ANKRD1: variants seen among roughly 807,000 people sequenced by gnomAD.
The protein encoded by ANKRD1 is ankyrin repeat domain 1.
A neutral mutation model predicts 40.1 loss-of-function variants in ANKRD1; 32 were observed. The observed-to-expected ratio is 0.80, with a 90% CI of 0.60 to 1.07. The LOEUF is 1.07. Ranked by LOEUF, ANKRD1 falls within the 50% of genes least tolerant of loss-of-function variation. The pLI, the probability that ANKRD1 is intolerant of heterozygous loss-of-function variation, is 0.00. For missense variants in ANKRD1, 359 were observed against 386.0 expected (o/e 0.93, Z 0.59); for synonymous variants, 149 against 141.2 (o/e 1.06, Z -0.39).
At chr10:90,919,704 C>G (rs1847413874) in intron 2 of ANKRD1, among the ~76,000 whole-genome samples, 2 of 152,150 alleles carry the variant, frequency 1.3e-5, no homozygotes, top group African/African-American at 4.8e-5. Context: ...CTAAGCAGAG[C>G]CTTCTAAAAC....
At chr10:90,917,167 A>C (rs1204742362) in intron 5 of ANKRD1, among the ~76,000 whole-genome samples, 2 of 152,188 alleles carry the variant, frequency 1.3e-5, no homozygotes, top group Non-Finnish European at 2.9e-5. Flanking sequence ...GCATTTAAAT[A>C]CATAAAGAAT....
In ANKRD1 at chr10:90,912,890, C is replaced by T. The variant is rs1589507613; in HGVS notation, c.936G>A (p.Lys312=). 6.2e-7 allele frequency: 1 copy of T among 1,613,970 alleles called. No individual in the cohort carries two copies. The highest frequency in any genetic ancestry group is 8.5e-7 in the Non-Finnish European group (1 of 1,179,906). The change falls in exon 9 of 9, where the codon AAG becomes AAA. Residue 312 remains lysine (K), a synonymous_variant. Transcript: ENST00000371697. ...IFDSLRENSY[K]TSRIATF is the part of the protein sequence containing the mutation. ...CTCAGAATGTAGCTATGCGAGAGGT[C>T]TTGTAGGAGTTCTCTCTGAGGCTGT...
intron 8 of ANKRD1, 132 bp from the exon 9 acceptor site, chr10:90,913,108 G>C: frequency 2.3e-6 from 2 of 855,712 alleles, no homozygotes; most frequent in Middle Eastern, 4.3e-4. Flanking sequence ...CACCAGGAGT[G>C]ATCTGCAGTT....
rs372353918 is a variant in ANKRD1, at chr10:90,920,161, G to A, written c.207+8C>T. 7 of 1,613,084 alleles carry A rather than the reference G, an allele frequency of 4.3e-6. No individual in the cohort carries two copies. Among genetic ancestry groups the A allele is most frequent in the Non-Finnish European group, 5.9e-6 (7 of 1,179,966 alleles). ...ATCCTACTAGTGGATTCCACAGATG[G>A]CTCTCACCTCTGCCTCTCGTTGTTT... On this transcript the variant is annotated splice_region_variant and intron_variant, in intron 2 of 8. Coordinates refer to ENST00000371697, the MANE Select transcript of ANKRD1 (RefSeq NM_014391.3).
intron 2 of ANKRD1, 86 bp from the exon 3 acceptor site, chr10:90,919,354 G>A: frequency 4.9e-6 from 6 of 1,221,666 alleles, no homozygotes; most frequent in Non-Finnish European, 5.8e-6. Context: ...TGCAAGGTCT[G>A]AGATAAACAT....
rs756070580 is a variant in ANKRD1, at chr10:90,917,858, A to G, written c.454-28T>C. ...ATCAGAACAGAGATTTTAAACAGAGATAGCAATAAATATAAAAATGTGTGT... is the reference window on the plus strand; with the variant it reads ...ATCAGAACAGAGATTTTAAACAGAGGTAGCAATAAATATAAAAATGTGTGT... On this transcript the variant is annotated intron_variant, in intron 4 of 8. Transcript: ENST00000371697. 2.6e-6 allele frequency: 4 copies of G among 1,560,882 alleles called. No homozygotes were observed. In the Admixed American group the frequency reaches 6.7e-5, roughly 26 times the overall value.
At chr10:90,919,405 A>T in intron 2 of ANKRD1, 137 bp from the exon 3 acceptor site, 1 of 707,266 alleles carries the variant, frequency 1.4e-6, no homozygotes, top group Non-Finnish European at 2.2e-6. Flanking sequence ...AAATTATATA[A>T]ATCTTTGACT....
intron 8 of ANKRD1, among the ~76,000 whole-genome samples, chr10:90,913,194 G>A (rs900938404): frequency 6.6e-6 from 1 of 152,078 alleles, no homozygotes; most frequent in Non-Finnish European, 1.5e-5. Context: ...TTTTCACGTG[G>A]GACCATCCCA....
At position 90,915,804 on chromosome 10, in the gene ANKRD1, G is replaced by C. The variant is rs756211418; in HGVS notation, c.728C>G (p.Ala243Gly). 7.4e-6 allele frequency: 12 copies of C among 1,613,684 alleles called. No homozygotes were observed. The East Asian group carries it at 2.5e-4, about 33-fold the overall frequency. ...ECAEHLIACE[A>G]DLNAKDREGD... Reference sequence around the variant, plus strand: ...CACTCTGTCTTTGGCGTTGAGGTCTGCCTCACAGGCGATAAGATGCTCCGC... The same window carrying C: ...CACTCTGTCTTTGGCGTTGAGGTCTCCCTCACAGGCGATAAGATGCTCCGC... Residue 243 changes from alanine to glycine, a missense_variant, in exon 7 of 9, where the codon GCA becomes GGA. Coordinates refer to ENST00000371697, the MANE Select transcript of ANKRD1 (RefSeq NM_014391.3).
intron 5 of ANKRD1, among the ~76,000 whole-genome samples, chr10:90,917,370 T>A (rs950388930): frequency 1.2e-4 from 18 of 152,254 alleles, no homozygotes; most frequent in African/African-American, 4.3e-4. Context: ...AGAGAATTCG[T>A]ATATGTTGCT....
chr10:90,917,907 C>G (rs1040468342), intron 4 of ANKRD1, 77 bp from the exon 5 acceptor site: 9 of 1,197,070 alleles, frequency 7.5e-6, no homozygotes, highest in Non-Finnish European at 1.1e-5. Flanking sequence ...AGCTATGAAG[C>G]TGGAGATTCT....
intron 4 of ANKRD1, among the ~76,000 whole-genome samples, chr10:90,918,392 G>C (rs953553031): frequency 6.6e-6 from 1 of 152,072 alleles, no homozygotes; most frequent in African/African-American, 2.4e-5. Flanking sequence ...TCACTCCAAT[G>C]CCCCATGTTT....
Position 90,919,000 on chromosome 10 carries a change from A to G in ANKRD1, c.346-28T>C, listed in dbSNP as rs200793871. 4.9e-4 allele frequency: 96 copies of G among 194,548 alleles called. 5 individuals carry two copies. In the East Asian group the frequency reaches 8.0e-3, roughly 16 times the overall value. The allele number at this position is 194,548 out of a possible 1,614,324, so 12.1% of individuals were successfully genotyped here. ...AAAGCCAAAATAAATAAATATATAT[A>G]TATATATATATATATAGCATGAGAG... On this transcript the variant is annotated intron_variant, in intron 3 of 8. Coordinates refer to ENST00000371697, the MANE Select transcript of ANKRD1 (RefSeq NM_014391.3).
chr10:90,913,063 A>T, intron 8 of ANKRD1, 87 bp from the exon 9 acceptor site: 1 of 1,197,884 alleles, frequency 8.3e-7, no homozygotes, highest in African/African-American at 1.5e-5. Context: ...TGAGGTAAGG[A>T]TTAGGTATAT....
At chr10:90,913,560 A>C (rs1470332534) in intron 8 of ANKRD1, among the ~76,000 whole-genome samples, 1 of 152,212 alleles carries the variant, frequency 6.6e-6, no homozygotes, top group African/African-American at 2.4e-5. Flanking sequence ...ACATGTGAAC[A>C]AATAATTTTT....
chr10:90,916,574 T>G (rs906738049), intron 5 of ANKRD1, among the ~76,000 whole-genome samples: 1 of 152,148 alleles, frequency 6.6e-6, no homozygotes, highest in Admixed American at 6.5e-5. Flanking sequence ...CCTTGATTCT[T>G]CCAGCAACAT....
chr10:90,915,512 G>A (rs762972481), intron 8 of ANKRD1, 31 bp downstream of exon 8: 2 of 1,561,102 alleles, frequency 1.3e-6, no homozygotes, highest in Non-Finnish European at 1.8e-6. Flanking sequence ...TGGAAAGCTT[G>A]CAAGCGGTGT....
At chr10:90,916,430 A>ATGTGTGTG (rs112074175) in intron 5 of ANKRD1, among the ~76,000 whole-genome samples, 161 bp from the exon 6 acceptor site, 23 of 149,880 alleles carry the variant, frequency 1.5e-4, no homozygotes, top group African/African-American at 5.6e-4. Flanking sequence ...GCTAAATTAC[A>ATGTGTGTG]TGTGTGTGTG....
rs1018718576 is a variant in ANKRD1 at position 90,915,631 on chromosome 10, G to T, written c.761C>A (p.Thr254Asn). The change falls in exon 8 of 9, where the codon ACC becomes AAC. Residue 254 changes from threonine to asparagine, a missense_variant. By Grantham distance (65) the Thr-to-Asn change is moderately conservative. Coordinates refer to ENST00000371697, the MANE Select transcript of ANKRD1 (RefSeq NM_014391.3). ...DLNAKDREGD[T>N]PLHDAVRLNR... is the part of the protein sequence containing the mutation. ...CAGTCTCACCGCATCATGCAACGGGGTATCTCCTTCCTAGAGAAGCAGAGT... is the reference window on the plus strand; with the variant it reads ...CAGTCTCACCGCATCATGCAACGGGTTATCTCCTTCCTAGAGAAGCAGAGT... The T allele has an allele frequency of 6.2e-7, 1 of 1,613,942 alleles. No individual in the cohort carries two copies. The highest frequency in any genetic ancestry group is 2.2e-5 in the East Asian group (1 of 44,840).
Sources: allele counts gnomAD v4.1 joint callset (sites outside exome capture counted in the v4.1 genomes callset), GRCh38; gene constraint gnomAD v4.1.1; transcripts MANE v1.5; gene names NCBI Gene and HGNC (gene_info 2026-07-23, HGNC 2026-07-21).